ZFHX3: variants seen among roughly 807,000 people sequenced by gnomAD.
ZFHX3 encodes zinc finger homeobox protein 3.
Under a neutral mutation model 279.1 loss-of-function variants are expected in ZFHX3, and 42 were observed. That is an observed-to-expected ratio of 0.15 (90% CI 0.12 to 0.19). The LOEUF is 0.19. Ranked by LOEUF, ZFHX3 falls within the 10% of genes least tolerant of loss-of-function variation. ZFHX3 has a pLI of 1.00. For synonymous variants in ZFHX3, 2,293 were observed against 1,957.8 expected, an observed-to-expected ratio of 1.17 and a Z score of -4.52; for missense variants, 4,981 against 4,754.0, an observed-to-expected ratio of 1.05 and a Z score of -1.40.
chr16:72,931,622 A>T (rs1959812656), intron 3 of ZFHX3, among the ~76,000 whole-genome samples: 1 of 152,118 alleles, frequency 6.6e-6, no homozygotes, highest in Admixed American at 6.6e-5. Context: ...ATTTTAAATT[A>T]ATGGGTAACA....
chr16:72,919,688 T>C (rs2144229635), intron 3 of ZFHX3, among the ~76,000 whole-genome samples: 1 of 151,208 alleles, frequency 6.6e-6, no homozygotes, highest in Admixed American at 6.6e-5. Flanking sequence ...ACCTCCAATT[T>C]TACATAAACG....
chr16:73,390,897 T>C (rs1165385199), intron 3 of ZFHX3, among the ~76,000 whole-genome samples: 1 of 152,080 alleles, frequency 6.6e-6, no homozygotes, highest in African/African-American at 2.4e-5. Flanking sequence ...TGAGGTCTCA[T>C]TCCGTGGTAA....
rs764603718 is a variant in ZFHX3 at position 72,811,782 on chromosome 16, G to C, written c.3664-5C>G. 2 of 1,611,912 alleles carry C rather than the reference G, an allele frequency of 1.2e-6. No homozygotes were observed. Among genetic ancestry groups the C allele is most frequent in the East Asian group, 2.2e-5 (1 of 44,842 alleles). ...GCAGTAGGGACACTGGTACATCTGT[G>C]GGGAACACACCCACTGCTTTGAGCA... On this transcript the variant is annotated splice_region_variant and splice_polypyrimidine_tract_variant and intron_variant, in intron 6 of 9. Transcript: ENST00000268489.
At chr16:72,868,236 G>A (rs1483308575) in intron 4 of ZFHX3, among the ~76,000 whole-genome samples, 1 of 152,110 alleles carries the variant, frequency 6.6e-6, no homozygotes, top group Admixed American at 6.5e-5. Flanking sequence ...AGGTATGTGT[G>A]GTTTTGATGA....
chr16:73,410,459 T>C (rs759655259), intron 3 of ZFHX3, among the ~76,000 whole-genome samples: 10 of 152,112 alleles, frequency 6.6e-5, no homozygotes, highest in Non-Finnish European at 8.8e-5. Flanking sequence ...AAGAGTACGA[T>C]TGAATTGTTT....
chr16:73,768,307 A>G (rs1321745786), intron 1 of ZFHX3, among the ~76,000 whole-genome samples: 2 of 152,196 alleles, frequency 1.3e-5, no homozygotes, highest in East Asian at 3.9e-4. Context: ...TCTGGGCACA[A>G]AGGAGGGTGA....
chr16:72,787,443 G>C lies in ZFHX3; in HGVS notation c.10833C>G (p.His3611Gln), dbSNP rs754128166. ...SAAAPSSASP[H>Q]ASRKSWPQVV... ...CTTGCGGCCAAGACTTCCTGGAGGC[G>C]TGGGGGGAAGCGGAGGAGGGGGCGG... is the stretch of plus-strand genomic sequence containing the variant. Residue 3611 changes from histidine (H) to glutamine (Q), a missense_variant, in exon 10 of 10, where the codon CAC (histidine) becomes CAG (glutamine). Coordinates refer to ENST00000268489, the MANE Select transcript of ZFHX3 (RefSeq NM_006885.4). The C allele has an allele frequency of 8.1e-6, 13 of 1,604,566 alleles. No homozygotes were observed. The highest frequency in any genetic ancestry group is 2.2e-5 in the East Asian group (1 of 44,568).
intron 1 of ZFHX3, among the ~76,000 whole-genome samples, chr16:73,706,059 C>CT (rs2053300053): frequency 1.3e-5 from 2 of 152,140 alleles, no homozygotes; most frequent in African/African-American, 4.8e-5. Context: ...AATCCCAGCA[C>CT]TTTGGGAAGC....
chr16:73,008,290 T>C (rs762808358), intron 1 of ZFHX3, among the ~76,000 whole-genome samples: 2 of 152,230 alleles, frequency 1.3e-5, no homozygotes, highest in Non-Finnish European at 2.9e-5. Flanking sequence ...CTAATGATCC[T>C]GTAACAGTAA....
chr16:72,947,158 G>A (rs1960723626), intron 3 of ZFHX3, among the ~76,000 whole-genome samples: 1 of 152,218 alleles, frequency 6.6e-6, no homozygotes, highest in Non-Finnish European at 1.5e-5. Flanking sequence ...AGTAACCTGA[G>A]GCCCAGAGAC....
At chr16:72,917,388 C>T (rs1700079859) in intron 3 of ZFHX3, among the ~76,000 whole-genome samples, 2 of 152,172 alleles carry the variant, frequency 1.3e-5, no homozygotes, top group South Asian at 4.1e-4. Flanking sequence ...AACACAAATA[C>T]ATAAATACAT....
chr16:73,707,434 T>C (rs746509097), intron 1 of ZFHX3, among the ~76,000 whole-genome samples: 1 of 151,852 alleles, frequency 6.6e-6, no homozygotes, highest in Non-Finnish European at 1.5e-5. Flanking sequence ...TATGTAACAT[T>C]AAGTAGGGAC....
At chr16:72,962,655 A>G (rs1961633440) in intron 1 of ZFHX3, among the ~76,000 whole-genome samples, 1 of 152,196 alleles carries the variant, frequency 6.6e-6, no homozygotes, top group South Asian at 2.1e-4. Context: ...GGGGAGCTTA[A>G]GAGACATGCA....
At chr16:72,827,303 T>C (rs937958716) in intron 5 of ZFHX3, among the ~76,000 whole-genome samples, 2 of 152,154 alleles carry the variant, frequency 1.3e-5, no homozygotes, top group African/African-American at 2.4e-5. Flanking sequence ...ACAACTTACA[T>C]AGAGCTTACA....
In ZFHX3 at chr16:73,517,563, G is replaced by C. The variant is rs989537097; in HGVS notation, c.-1546-61305C>G. On this transcript the variant is annotated intron_variant, in intron 2 of 17. Transcript: ENST00000641206. ...CTGAGAGCATCAAATTTATTTGGGA[G>C]GAGCAGGGAGGAGCAGCAAAGAGTG... Among the ~76,000 whole-genome samples the C allele has an allele frequency of 4.6e-5, 7 of 152,300 alleles. No homozygotes were observed. In the East Asian group the frequency reaches 1.4e-3, roughly 29 times the overall value.
At chr16:73,819,670 G>T (rs1401557373) in intron 1 of ZFHX3, among the ~76,000 whole-genome samples, 1 of 152,116 alleles carries the variant, frequency 6.6e-6, no homozygotes, top group Non-Finnish European at 1.5e-5. Flanking sequence ...GGAGAGGGAA[G>T]AGAAAAATTA....
At chr16:72,829,976 C>A in intron 4 of ZFHX3, 117 bp from the exon 5 acceptor site, 1 of 1,065,702 alleles carries the variant, frequency 9.4e-7, no homozygotes. Flanking sequence ...CGTCCCCCTT[C>A]TCTTTCCAGA....
At chr16:73,589,383 C>T (rs1043228472) in intron 2 of ZFHX3, among the ~76,000 whole-genome samples, 2 of 145,108 alleles carry the variant, frequency 1.4e-5, no homozygotes, top group Non-Finnish European at 3.0e-5. Flanking sequence ...TTGCAGTGTG[C>T]TATGATCACA....
intron 4 of ZFHX3, among the ~76,000 whole-genome samples, chr16:72,876,340 T>G (rs117550180): frequency 1.9e-3 from 291 of 152,246 alleles, no homozygotes; most frequent in Non-Finnish European, 2.9e-3. Context: ...AGTCAGAGCT[T>G]CTTCTCATTC....
Sources: allele counts gnomAD v4.1 joint callset (sites outside exome capture counted in the v4.1 genomes callset), GRCh38; gene constraint gnomAD v4.1.1; transcripts MANE v1.5; gene names NCBI Gene and HGNC (gene_info 2026-07-23, HGNC 2026-07-21).